Variants in POMT2 observed in about 807,000 individuals in gnomAD.
POMT2 encodes protein O-mannosyltransferase 2.
In POMT2, 75 loss-of-function variants were observed where a neutral mutation model predicts 100.0. The observed-to-expected ratio is 0.75, with a 90% CI of 0.62 to 0.91. POMT2 has a LOEUF of 0.91. POMT2 is among the 40% of genes least tolerant of loss of function. The pLI, the probability that POMT2 is intolerant of heterozygous loss-of-function variation, is 0.00. For synonymous variants in POMT2, 378 were observed against 374.1 expected (o/e 1.01, Z -0.12); for missense variants, 940 against 955.1 (o/e 0.98, Z 0.21).
intron 4 of POMT2, 113 bp from the exon 5 acceptor site, chr14:77,303,056 A>G (rs949197323): frequency 3.5e-5 from 28 of 810,000 alleles, no homozygotes; most frequent in Middle Eastern, 2.2e-4. Flanking sequence ...GAGTGTAAGC[A>G]CTTGTGCAGT....
At chr14:77,294,101 G>A (rs71413458) in intron 9 of POMT2, among the ~76,000 whole-genome samples, 25,293 of 152,072 alleles carry the variant, frequency 0.17, 2,572 homozygotes, top group Admixed American at 0.27. Flanking sequence ...TCTCTCCGTT[G>A]ATTCTAAGTG....
intron 6 of POMT2, chr14:77,300,866 C>A: frequency 6.9e-6 from 4 of 578,434 alleles, no homozygotes; most frequent in Non-Finnish European, 1.2e-5. Flanking sequence ...CAAAAAGAGA[C>A]TTCCAAGAAT....
chr14:77,312,382 G>A, intron 1 of POMT2: 1 of 248,766 alleles, frequency 4.0e-6, no homozygotes, highest in South Asian at 4.4e-5. Context: ...GTTTTCTTCT[G>A]GCCGGGTACG....
chr14:77,317,127 G>C (rs1817642616), intron 1 of POMT2, among the ~76,000 whole-genome samples: 1 of 152,162 alleles, frequency 6.6e-6, no homozygotes, highest in Admixed American at 6.5e-5. Flanking sequence ...ATGTTTCTGA[G>C]GCAGAAGCCA....
At chr14:77,319,193 ATTCCTCGGTGCC>A in intron 1 of POMT2, among the ~76,000 whole-genome samples, 1 of 152,304 alleles carries the variant, frequency 6.6e-6, no homozygotes, top group East Asian at 1.9e-4. Context: ...CTGAAATAAG[ATTCCTCGGTGCC>A]CCCAGGACTT....
At chr14:77,281,179 C>T (rs1890220076) in intron 15 of POMT2, among the ~76,000 whole-genome samples, 1 of 152,046 alleles carries the variant, frequency 6.6e-6, no homozygotes, top group African/African-American at 2.4e-5. Flanking sequence ...GGGCCAATTT[C>T]AAACAGAAAA....
rs1181537256 is a variant in POMT2, at chr14:77,320,399, G to A, written c.248+35C>T. On this transcript the variant is annotated intron_variant, in intron 1 of 20. Coordinates refer to ENST00000261534, the MANE Select transcript of POMT2 (RefSeq NM_013382.7). ...CAGAGGGCGGCGTCCCGTCGCGGTT[G>A]CCATGGTGCCCGCCGAGTCCCTCCC... The A allele has an allele frequency of 7.1e-6, 11 of 1,544,052 alleles. No homozygotes were observed. In the East Asian group the frequency reaches 2.4e-4, roughly 34 times the overall value.
rs749770905 is a variant in POMT2 at position 77,285,556 on chromosome 14, A to G, written c.1409T>C (p.Leu470Pro). 1 of 1,614,174 alleles carries G rather than the reference A, an allele frequency of 6.2e-7. No homozygotes were observed. Among genetic ancestry groups the G allele is most frequent in the Non-Finnish European group, 8.5e-7 (1 of 1,180,012 alleles). ...NRKFGNRIKV[L>P]RSRIRFIHLV... The stretch of plus-strand genomic sequence containing the variant: ...ATGGATGAAGCGAATTCGACTTCTC[A>G]GCACTTTGATCCGGTTTCCAAATTT... Residue 470 changes from leucine to proline, a missense_variant, in exon 13 of 21, where the codon CTG becomes CCG. Coordinates refer to ENST00000261534, the MANE Select transcript of POMT2 (RefSeq NM_013382.7).
intron 1 of POMT2, among the ~76,000 whole-genome samples, chr14:77,314,101 GAC>G (rs1177636464): frequency 3.3e-5 from 5 of 152,170 alleles, no homozygotes; most frequent in Non-Finnish European, 5.9e-5. Context: ...TGTTAGGAGA[GAC>G]AGTCCTCCGT....
chr14:77,296,441 CAG>C lies in POMT2; in HGVS notation c.1007-170_1007-169del, dbSNP rs1257794002. Reference sequence around the variant, plus strand: ...TCACTCCCATGGAGCCGACTCAAGACAGAGTTCACCACAGGGCCCACTTACTC... The same window carrying C: ...TCACTCCCATGGAGCCGACTCAAGACAGTTCACCACAGGGCCCACTTACTC... On this transcript the variant is annotated intron_variant, in intron 8 of 20. Coordinates refer to ENST00000261534, the MANE Select transcript of POMT2 (RefSeq NM_013382.7). 4 of 621,842 alleles carry C rather than the reference CAG, an allele frequency of 6.4e-6. No individual in the cohort carries two copies. The South Asian group carries it at 7.4e-5, about 11-fold the overall frequency. 38.5% of individuals were successfully genotyped at this position (621,842 alleles called of 1,614,324 possible). A position where few individuals can be genotyped will look rare whatever the true frequency, so the allele number is the denominator to read the frequency against.
intron 2 of POMT2, 95 bp from the exon 3 acceptor site, chr14:77,306,536 G>A (rs1485912362): frequency 4.2e-6 from 6 of 1,433,702 alleles, no homozygotes; most frequent in Non-Finnish European, 5.8e-6. Flanking sequence ...ACAGACTTTG[G>A]GTTCCCTTGA....
chr14:77,320,292 C>T, intron 1 of POMT2, 142 bp downstream of exon 1: 1 of 1,440,296 alleles, frequency 6.9e-7, no homozygotes, highest in Non-Finnish European at 9.4e-7. Context: ...TCGCCAGAGG[C>T]CAACCCACCC....
intron 6 of POMT2, chr14:77,300,555 C>G (rs964300419): frequency 1.2e-5 from 2 of 165,738 alleles, no homozygotes; most frequent in African/African-American, 2.4e-5. Flanking sequence ...CTCGGTGGCT[C>G]ATGCCTGTAA....
At chr14:77,290,164 C>T (rs1278952598) in intron 10 of POMT2, among the ~76,000 whole-genome samples, 1 of 152,186 alleles carries the variant, frequency 6.6e-6, no homozygotes, top group Non-Finnish European at 1.5e-5. Context: ...TCCTTAATCA[C>T]TTCGATGAAA....
chr14:77,319,931 A>G (rs1049284862), intron 1 of POMT2, among the ~76,000 whole-genome samples: 2 of 152,198 alleles, frequency 1.3e-5, no homozygotes, highest in Non-Finnish European at 2.9e-5. Flanking sequence ...CCTTTAAGAA[A>G]ATAAATCTCT....
intron 18 of POMT2, 97 bp downstream of exon 18, chr14:77,279,726 G>T: frequency 8.2e-7 from 1 of 1,225,494 alleles, no homozygotes; most frequent in Non-Finnish European, 1.2e-6. Flanking sequence ...GGTGGTAAAC[G>T]CAAAGGATGG....
intron 18 of POMT2, 184 bp from the exon 19 acceptor site, chr14:77,279,053 G>T: frequency 2.5e-6 from 2 of 814,428 alleles, no homozygotes; most frequent in Non-Finnish European, 4.0e-6. Context: ...TCTGGTCAGG[G>T]CCCAGCCTAG....
chr14:77,312,137 A>G, intron 1 of POMT2, 104 bp from the exon 2 acceptor site: 1 of 1,491,374 alleles, frequency 6.7e-7, no homozygotes, highest in Non-Finnish European at 9.0e-7. Context: ...ATTTCAAACA[A>G]TTAATGCAAA....
At chr14:77,291,261 G>A (rs1179690238) in intron 10 of POMT2, 53 bp downstream of exon 10, 2 of 1,563,910 alleles carry the variant, frequency 1.3e-6, no homozygotes, top group Admixed American at 1.7e-5. Context: ...AAATCTTAAG[G>A]AGGGCTCAGA....
Sources: allele counts gnomAD v4.1 joint callset (sites outside exome capture counted in the v4.1 genomes callset), GRCh38; gene constraint gnomAD v4.1.1; transcripts MANE v1.5; gene names NCBI Gene and HGNC (gene_info 2026-07-23, HGNC 2026-07-21).